The following SVOPL variants were observed in gnomAD, a reference collection of about 807,000 sequenced individuals.
The protein encoded by SVOPL is SVOP like.
In SVOPL, 60 loss-of-function variants were observed where a neutral mutation model predicts 61.0. That is an observed-to-expected ratio of 0.98 (90% confidence interval 0.80 to 1.22). SVOPL has a LOEUF of 1.22. Ranked by LOEUF, SVOPL falls within the 50% of genes most tolerant of loss-of-function variation. SVOPL has a pLI of 0.00. For missense variants in SVOPL, 662 were observed against 643.9 expected (o/e 1.03, Z -0.30); for synonymous variants, 279 against 250.0 (o/e 1.12, Z -1.09).
chr7:138,632,296 T>TA (rs1800241470), intron 9 of SVOPL, among the ~76,000 whole-genome samples: 1 of 152,142 alleles, frequency 6.6e-6, no homozygotes. Flanking sequence ...TAGCCAGGCG[T>TA]GATGGCACGC....
intron 1 of SVOPL, among the ~76,000 whole-genome samples, chr7:138,682,364 C>T (rs1428126644): frequency 3.9e-5 from 6 of 152,112 alleles, no homozygotes; most frequent in African/African-American, 7.2e-5. Context: ...AAGACGTATA[C>T]AACATCACCT....
chr7:138,595,986 G>T (rs527427491), intron 15 of SVOPL, among the ~76,000 whole-genome samples: 1 of 152,084 alleles, frequency 6.6e-6, no homozygotes, highest in East Asian at 1.9e-4. Flanking sequence ...TCAGGAGTTC[G>T]AGACCAGCCT....
chr7:138,648,013 A>T (rs1005733622), intron 8 of SVOPL, among the ~76,000 whole-genome samples: 1 of 152,128 alleles, frequency 6.6e-6, no homozygotes, highest in Non-Finnish European at 1.5e-5. Flanking sequence ...AGGTGACATC[A>T]AACTAAAACC....
At chr7:138,617,624 G>T (rs1799358655) in intron 14 of SVOPL, among the ~76,000 whole-genome samples, 1 of 152,068 alleles carries the variant, frequency 6.6e-6, no homozygotes. Context: ...CAAGGTAGGA[G>T]GATCTTGGAA....
At chr7:138,634,335 A>G (rs567520531) in intron 9 of SVOPL, among the ~76,000 whole-genome samples, 1 of 152,130 alleles carries the variant, frequency 6.6e-6, no homozygotes, top group East Asian at 1.9e-4. Flanking sequence ...GCAAGACCTC[A>G]TCTCTATGAA....
intron 1 of SVOPL, among the ~76,000 whole-genome samples, chr7:138,699,991 A>G (rs1803154495): frequency 6.6e-6 from 1 of 152,184 alleles, no homozygotes; most frequent in Non-Finnish European, 1.5e-5. Context: ...AGAGTTTTCA[A>G]CAACAGGATT....
At chr7:138,642,664 C>T (rs1800871062) in intron 9 of SVOPL, among the ~76,000 whole-genome samples, 1 of 151,168 alleles carries the variant, frequency 6.6e-6, no homozygotes, top group South Asian at 2.1e-4. Context: ...ACTGTCTCTA[C>T]AAAAAACACA....
chr7:138,637,434 A>ATATC (rs1563108436), intron 9 of SVOPL, among the ~76,000 whole-genome samples: 21 of 36,044 alleles, frequency 5.8e-4, no homozygotes, highest in African/African-American at 3.6e-3. Context: ...TCTCATATAT[A>ATATC]TATATATAGA....
intron 4 of SVOPL, chr7:138,664,108 G>T: frequency 1.5e-6 from 1 of 658,732 alleles, no homozygotes; most frequent in African/African-American, 2.0e-5. Flanking sequence ...GCTCGCTGGG[G>T]CTCCAGCTCT....
intron 5 of SVOPL, chr7:138,660,801 A>C (rs1321008850): frequency 2.1e-6 from 2 of 957,180 alleles, no homozygotes; most frequent in African/African-American, 4.1e-5. Context: ...ATAATATTAT[A>C]TAATAATAAT....
At chr7:138,680,825 C>T (rs1385733086) in intron 1 of SVOPL, among the ~76,000 whole-genome samples, 2 of 151,914 alleles carry the variant, frequency 1.3e-5, no homozygotes, top group South Asian at 2.1e-4. Flanking sequence ...TGAATCCGCC[C>T]GCATCGGCCT....
intron 7 of SVOPL, among the ~76,000 whole-genome samples, chr7:138,652,375 T>C (rs1801483416): frequency 6.6e-6 from 1 of 151,664 alleles, no homozygotes; most frequent in African/African-American, 2.4e-5. Context: ...TTTGTAGACT[T>C]GGGGCCTCAC....
intron 14 of SVOPL, among the ~76,000 whole-genome samples, chr7:138,618,700 GCA>G (rs1799411829): frequency 7.2e-6 from 1 of 138,596 alleles, no homozygotes; most frequent in Non-Finnish European, 1.6e-5. Flanking sequence ...GAGCACGCGT[GCA>G]CACGCGCGAG....
chr7:138,601,802 C>T (rs1193966340), intron 14 of SVOPL, among the ~76,000 whole-genome samples: 1 of 152,148 alleles, frequency 6.6e-6, no homozygotes, highest in African/African-American at 2.4e-5. Flanking sequence ...CTCCAACATG[C>T]TCCTGAGTCC....
At chr7:138,668,666 T>C (rs1430119613) in intron 4 of SVOPL, among the ~76,000 whole-genome samples, 1 of 152,144 alleles carries the variant, frequency 6.6e-6, no homozygotes. Context: ...AGTGAGGGAA[T>C]TTTCCCTGGT....
intron 4 of SVOPL, among the ~76,000 whole-genome samples, chr7:138,666,945 A>C (rs576741617): frequency 6.6e-6 from 1 of 152,312 alleles, no homozygotes; most frequent in African/African-American, 2.4e-5. Flanking sequence ...TGCACACTGG[A>C]GACTGTCTCT....
chr7:138,634,033 T>G (rs927832912), intron 9 of SVOPL, among the ~76,000 whole-genome samples: 3 of 152,206 alleles, frequency 2.0e-5, no homozygotes, highest in African/African-American at 7.2e-5. Context: ...GAGCATGAGC[T>G]GAGGTCAGAA....
intron 9 of SVOPL, among the ~76,000 whole-genome samples, chr7:138,643,153 G>A (rs1201023319): frequency 4.0e-5 from 6 of 151,428 alleles, no homozygotes; most frequent in Non-Finnish European, 7.4e-5. Flanking sequence ...TTGGCCAGGT[G>A]CGGTGGCTCA....
chr7:138,662,936 C>T (rs2117084791), intron 5 of SVOPL, 138 bp downstream of exon 5: 2 of 1,486,984 alleles, frequency 1.3e-6, no homozygotes, highest in East Asian at 2.4e-5. Flanking sequence ...TGGAATGTTC[C>T]ATCAGGGAGG....
Sources: gnomAD v4.1 joint callset for allele counts (sites outside exome capture counted in the v4.1 genomes callset) on GRCh38, gnomAD v4.1.1 for gene constraint, MANE v1.5 for transcripts, NCBI Gene and HGNC (gene_info 2026-07-23, HGNC 2026-07-21) for gene names.